Variants in CADM2 observed in about 807,000 individuals in gnomAD.
The protein encoded by CADM2 is immunoglobulin superfamily member 4D.
Under a neutral mutation model 49.8 loss-of-function variants are expected in CADM2, and 12 were observed. That is an observed-to-expected ratio of 0.24 (90% CI 0.15 to 0.39). The LOEUF is 0.39. Among genes scored for constraint, CADM2 ranks in the 10% least tolerant of loss-of-function variants. The pLI, the probability that CADM2 is intolerant of heterozygous loss-of-function variation, is 1.00. For missense variants in CADM2, 378 were observed against 492.3 expected (o/e 0.77, Z 2.20); for synonymous variants, 214 against 175.4 (o/e 1.22, Z -1.74).
At chr3:85,754,782 T>C (rs1175385043) in intron 2 of CADM2, among the ~76,000 whole-genome samples, 1 of 151,620 alleles carries the variant, frequency 6.6e-6, no homozygotes, top group East Asian at 1.9e-4. Flanking sequence ...CATGACTGTC[T>C]CAATTTTTTT....
At chr3:85,722,396 T>C (rs1338784373) in intron 1 of CADM2, among the ~76,000 whole-genome samples, 1 of 152,150 alleles carries the variant, frequency 6.6e-6, no homozygotes, top group African/African-American at 2.4e-5. Flanking sequence ...TGCCTCCTCT[T>C]TTAAGAAAGA....
intron 5 of CADM2, among the ~76,000 whole-genome samples, chr3:85,892,073 T>A (rs1052388686): frequency 2.0e-5 from 3 of 152,216 alleles, no homozygotes; most frequent in Non-Finnish European, 4.4e-5. Flanking sequence ...ATTCTGATTC[T>A]AAGACCCAGC....
chr3:85,895,381 T>A (rs1471324431), intron 5 of CADM2, among the ~76,000 whole-genome samples: 1 of 152,188 alleles, frequency 6.6e-6, no homozygotes, highest in East Asian at 1.9e-4. Context: ...TTTGGCCAAT[T>A]TCTCCCATTT....
chr3:86,061,518 A>G (rs1738646614), intron 8 of CADM2, among the ~76,000 whole-genome samples: 1 of 152,164 alleles, frequency 6.6e-6, no homozygotes, highest in African/African-American at 2.4e-5. Flanking sequence ...ACCACAATAC[A>G]TTTTAGAAGG....
intron 1 of CADM2, among the ~76,000 whole-genome samples, chr3:85,686,330 T>C (rs1218451667): frequency 1.3e-5 from 2 of 152,210 alleles, no homozygotes; most frequent in East Asian, 3.8e-4. Context: ...ATATTTGGCC[T>C]CTCAGTTGCC....
At chr3:85,573,775 C>CTGCTT (rs1452600356) in intron 1 of CADM2, among the ~76,000 whole-genome samples, 2 of 152,102 alleles carry the variant, frequency 1.3e-5, no homozygotes, top group South Asian at 4.2e-4. Context: ...ATCTTATTCC[C>CTGCTT]TGCTTTACTA....
intron 1 of CADM2, among the ~76,000 whole-genome samples, chr3:85,572,239 A>G (rs1292214452): frequency 1.3e-5 from 2 of 152,068 alleles, no homozygotes; most frequent in African/African-American, 4.8e-5. Context: ...GGAGGTTGCA[A>G]TTGTGCCACT....
intron 1 of CADM2, among the ~76,000 whole-genome samples, chr3:85,663,121 T>C (rs1448582416): frequency 6.6e-6 from 1 of 152,048 alleles, no homozygotes; most frequent in African/African-American, 2.4e-5. Context: ...GACCAGCTCT[T>C]ACAAAGTACA....
intron 1 of CADM2, among the ~76,000 whole-genome samples, chr3:85,533,656 C>A (rs2106974947): frequency 6.6e-6 from 1 of 152,206 alleles, no homozygotes; most frequent in South Asian, 2.1e-4. Flanking sequence ...ATAAGTAAAA[C>A]CCTGTGAATC....
intron 1 of CADM2, among the ~76,000 whole-genome samples, chr3:85,398,354 C>T (rs1168687003): frequency 6.6e-6 from 1 of 152,040 alleles, no homozygotes; most frequent in East Asian, 1.9e-4. Flanking sequence ...TTTATGGCTG[C>T]ATAGTTTTCC....
intron 1 of CADM2, among the ~76,000 whole-genome samples, chr3:85,723,180 A>G (rs1009704538): frequency 6.6e-6 from 1 of 152,182 alleles, no homozygotes; most frequent in Non-Finnish European, 1.5e-5. Context: ...TTTTAATATT[A>G]TAACGAACAA....
At chr3:85,383,761 T>C (rs1428957861) in intron 1 of CADM2, among the ~76,000 whole-genome samples, 2 of 151,702 alleles carry the variant, frequency 1.3e-5, no homozygotes, top group Non-Finnish European at 2.9e-5. Context: ...TTTCATATTG[T>C]ATACATTCTT....
chr3:85,027,817 G>A lies in CADM2; in HGVS notation c.61+68149G>A, dbSNP rs983580979. Reference sequence around the variant, plus strand: ...ACTTGCTAACATTGCCAATAGTTACGCAGCCTGTTAGTGGCAAAGAGGTTT... The same window carrying A: ...ACTTGCTAACATTGCCAATAGTTACACAGCCTGTTAGTGGCAAAGAGGTTT... On this transcript the variant is annotated intron_variant, in intron 1 of 9. Transcript: ENST00000383699. 3.9e-5 allele frequency among the ~76,000 whole-genome samples: 6 copies of A among 152,164 alleles called. No individual in the cohort carries two copies. In the East Asian group the frequency reaches 5.8e-4, roughly 15 times the overall value.
At position 85,692,013 on chromosome 3, in the gene CADM2, A is replaced by G. The variant is rs559496466; in HGVS notation, c.62-34509A>G. ...GGGGGGAGGGATAGCATTAGGAGAT[A>G]TACCTAATGTTAAATGACGAGTTAA... On this transcript the variant is annotated intron_variant, in intron 1 of 9. Coordinates refer to ENST00000383699, the MANE Select transcript of CADM2 (RefSeq NM_001167675.2). Among the ~76,000 whole-genome samples the G allele has an allele frequency of 3.9e-5, 6 of 152,354 alleles. No homozygotes were observed. In the East Asian group the frequency reaches 1.2e-3, roughly 29 times the overall value.
intron 1 of CADM2, among the ~76,000 whole-genome samples, chr3:85,393,519 A>T: frequency 6.6e-6 from 1 of 152,218 alleles, no homozygotes; most frequent in East Asian, 1.9e-4. Flanking sequence ...GACATAAATT[A>T]TCTTAAAGTT....
intron 1 of CADM2, among the ~76,000 whole-genome samples, chr3:85,272,454 GA>G (rs1483562913): frequency 6.6e-6 from 1 of 151,158 alleles, no homozygotes; most frequent in Non-Finnish European, 1.5e-5. Flanking sequence ...ATTGTTAAGA[GA>G]AAAGGCACCT....
chr3:86,055,472 T>TG (rs1365917907), intron 8 of CADM2, among the ~76,000 whole-genome samples: 6 of 132,774 alleles, frequency 4.5e-5, no homozygotes, highest in Admixed American at 8.0e-5. Context: ...TTTTTTTTTT[T>TG]TTTTTTTGGT....
chr3:85,470,381 A>G (rs1301126040), intron 1 of CADM2, among the ~76,000 whole-genome samples: 1 of 152,198 alleles, frequency 6.6e-6, no homozygotes, highest in Non-Finnish European at 1.5e-5. Flanking sequence ...AAAAACTTAA[A>G]GACACTTAAG....
intron 1 of CADM2, among the ~76,000 whole-genome samples, chr3:85,029,672 G>C (rs1053411996): frequency 6.6e-6 from 1 of 152,148 alleles, no homozygotes; most frequent in Non-Finnish European, 1.5e-5. Flanking sequence ...AGAGTGAGAG[G>C]CTTTTATCTT....
Sources: allele counts gnomAD v4.1 joint callset (sites outside exome capture counted in the v4.1 genomes callset), GRCh38; gene constraint gnomAD v4.1.1; transcripts MANE v1.5; gene names NCBI Gene and HGNC (gene_info 2026-07-23, HGNC 2026-07-21).